Variants in HCRTR2 observed in about 807,000 individuals in gnomAD.
HCRTR2 encodes the protein hypocretin receptor 2, also known as orexin receptor type 2.
A neutral mutation model predicts 49.0 loss-of-function variants in HCRTR2; 22 were observed. The observed-to-expected ratio is 0.45, with a 90% confidence interval of 0.32 to 0.64. The LOEUF (loss-of-function observed/expected upper bound fraction) is 0.64. Among genes scored for constraint, HCRTR2 ranks in the 30% least tolerant of loss-of-function variants. The probability of loss-of-function intolerance (pLI) is 0.04; values close to 1 mark genes in which losing one functional copy is unlikely to be tolerated. For missense variants in HCRTR2, 491 were observed against 559.4 expected (o/e 0.88, Z 1.23); for synonymous variants, 236 against 205.3 (o/e 1.15, Z -1.28).
chr6:55,263,573 C>T (rs971389861), intron 3 of HCRTR2, 134 bp from the exon 4 acceptor site: 9 of 662,420 alleles, frequency 1.4e-5, no homozygotes, highest in African/African-American at 7.1e-5. Flanking sequence ...TATTTTTCCC[C>T]TTTGCATACA....
chr6:55,279,591 A>AAT (rs1172606863), intron 5 of HCRTR2, among the ~76,000 whole-genome samples: 1 of 151,508 alleles, frequency 6.6e-6, no homozygotes, highest in East Asian at 1.9e-4. Flanking sequence ...TTTAGCAGGA[A>AAT]ATATATATGA....
chr6:55,209,396 A>G (rs1050003869), intron 1 of HCRTR2, among the ~76,000 whole-genome samples: 2 of 152,142 alleles, frequency 1.3e-5, no homozygotes, highest in African/African-American at 4.8e-5. Flanking sequence ...TTTTTACAAT[A>G]TTTGGTTTCT....
rs527396521 is a variant in HCRTR2, at chr6:55,123,735, G to A, written c.-378+17190G>A. 1.6e-4 allele frequency among the ~76,000 whole-genome samples: 24 copies of A among 152,168 alleles called. No individual in the cohort carries two copies. The East Asian group carries it at 4.5e-3, about 28-fold the overall frequency. ...CCTTTTTCTACCTCTGGTAGAATTC[G>A]GCTGTGAATCCATCTGGTCCTGCAC... is the stretch of plus-strand genomic sequence containing the variant. On this transcript the variant is annotated intron_variant, in intron 1 of 7. Transcript: ENST00000615358.
At chr6:55,167,121 T>G (rs903146383) in intron 1 of HCRTR2, among the ~76,000 whole-genome samples, 9 of 152,104 alleles carry the variant, frequency 5.9e-5, no homozygotes, top group African/African-American at 1.2e-4. Flanking sequence ...AAATGATACC[T>G]CTCAAAATGG....
chr6:55,124,773 C>T (rs1459840121), intron 1 of HCRTR2, among the ~76,000 whole-genome samples: 2 of 152,106 alleles, frequency 1.3e-5, no homozygotes, highest in Non-Finnish European at 2.9e-5. Flanking sequence ...TAAGGACTTG[C>T]TTTATGAATC....
intron 1 of HCRTR2, among the ~76,000 whole-genome samples, chr6:55,143,582 G>A (rs9382453): frequency 0.023 from 3,449 of 152,200 alleles, 56 homozygotes; most frequent in East Asian, 0.056. Context: ...TTGCAGGATC[G>A]CAGCCAAGCT....
At chr6:55,179,083 A>G (rs1392014851) in intron 1 of HCRTR2, among the ~76,000 whole-genome samples, 1 of 152,186 alleles carries the variant, frequency 6.6e-6, no homozygotes, top group African/African-American at 2.4e-5. Context: ...ATGGGGAAAT[A>G]TTTGTAATAA....
At chr6:55,199,861 G>A (rs1765480061) in intron 1 of HCRTR2, among the ~76,000 whole-genome samples, 1 of 152,164 alleles carries the variant, frequency 6.6e-6, no homozygotes, top group South Asian at 2.1e-4. Context: ...TAATCAGTCA[G>A]GCAAAAATCT....
intron 1 of HCRTR2, among the ~76,000 whole-genome samples, chr6:55,112,813 A>G (rs377620924): frequency 2.0e-5 from 3 of 152,046 alleles, no homozygotes; most frequent in African/African-American, 7.2e-5. Context: ...GATACCATGA[A>G]AGAGCCCACA....
intron 1 of HCRTR2, among the ~76,000 whole-genome samples, chr6:55,185,309 G>A (rs563649437): frequency 6.6e-6 from 1 of 152,248 alleles, no homozygotes; most frequent in African/African-American, 2.4e-5. Context: ...GAGAGATCTG[G>A]TTCTTTGAAA....
chr6:55,204,941 G>A (rs1311554607), intron 1 of HCRTR2, among the ~76,000 whole-genome samples: 1 of 152,004 alleles, frequency 6.6e-6, no homozygotes, highest in Non-Finnish European at 1.5e-5. Flanking sequence ...TTGCACTAAT[G>A]TGCCCAGCTG....
At chr6:55,259,979 A>G (rs566127216) in intron 3 of HCRTR2, among the ~76,000 whole-genome samples, 3 of 152,270 alleles carry the variant, frequency 2.0e-5, no homozygotes, top group South Asian at 2.1e-4. Flanking sequence ...CAAACAATCT[A>G]TCCTACCCTG....
chr6:55,218,076 A>G (rs1765822964), intron 1 of HCRTR2, among the ~76,000 whole-genome samples: 1 of 152,224 alleles, frequency 6.6e-6, no homozygotes, highest in African/African-American at 2.4e-5. Context: ...CTAAAAGAGC[A>G]AGAACAATAG....
At chr6:55,145,296 G>A (rs1764563723) in intron 1 of HCRTR2, among the ~76,000 whole-genome samples, 1 of 151,794 alleles carries the variant, frequency 6.6e-6, no homozygotes, top group Non-Finnish European at 1.5e-5. Flanking sequence ...ACACATTCTT[G>A]ACGTTGTTGC....
chr6:55,194,829 G>C (rs1765381985), intron 1 of HCRTR2, among the ~76,000 whole-genome samples: 1 of 151,970 alleles, frequency 6.6e-6, no homozygotes, highest in African/African-American at 2.4e-5. Context: ...CTTTATCACT[G>C]AATCTAGTAC....
At chr6:55,237,194 TATTA>T (rs1766230595) in intron 1 of HCRTR2, among the ~76,000 whole-genome samples, 1 of 152,144 alleles carries the variant, frequency 6.6e-6, no homozygotes, top group African/African-American at 2.4e-5. Context: ...TTCTTGACAT[TATTA>T]ATTCAATCAT....
intron 1 of HCRTR2, among the ~76,000 whole-genome samples, chr6:55,232,272 T>C (rs1019484312): frequency 6.6e-6 from 1 of 152,200 alleles, no homozygotes; most frequent in Non-Finnish European, 1.5e-5. Flanking sequence ...AATCTTTATA[T>C]ATTCACTTAT....
intron 1 of HCRTR2, among the ~76,000 whole-genome samples, chr6:55,117,860 C>G (rs1764140000): frequency 7.2e-6 from 1 of 138,662 alleles, no homozygotes; most frequent in African/African-American, 2.5e-5. Context: ...CTTCCCTCCA[C>G]AGACTGTTTG....
At chr6:55,108,511 T>C (rs1478562373) in intron 1 of HCRTR2, among the ~76,000 whole-genome samples, 1 of 151,728 alleles carries the variant, frequency 6.6e-6, no homozygotes, top group Non-Finnish European at 1.5e-5. Context: ...AAGGTTAAAT[T>C]TTTCTAGGTA....
Sources: gnomAD v4.1 joint callset for allele counts (sites outside exome capture counted in the v4.1 genomes callset) on GRCh38, gnomAD v4.1.1 for gene constraint, MANE v1.5 for transcripts, NCBI Gene and HGNC (gene_info 2026-07-23, HGNC 2026-07-21) for gene names.